EYS: variants seen among roughly 807,000 people sequenced by gnomAD.
The protein encoded by EYS is protein eyes shut homolog.
A neutral mutation model predicts 282.1 loss-of-function variants in EYS; 250 were observed. That is an observed-to-expected ratio of 0.89 (90% CI 0.80 to 0.98). The LOEUF (loss-of-function observed/expected upper bound fraction) is 0.98. Ranked by LOEUF, EYS falls within the 50% of genes least tolerant of loss-of-function variation. The pLI is 0.00. For missense variants in EYS, 4,016 were observed against 3,709.0 expected (o/e 1.08, Z -2.15); for synonymous variants, 1,355 against 1,282.9 (o/e 1.06, Z -1.20).
chr6:65,365,958 A>G (rs538964565), intron 8 of EYS, among the ~76,000 whole-genome samples: 2 of 151,826 alleles, frequency 1.3e-5, no homozygotes, highest in South Asian at 4.1e-4. Context: ...TGCAATTGTT[A>G]TAGATAACAT....
intron 26 of EYS, among the ~76,000 whole-genome samples, chr6:64,573,048 A>G (rs572721426): frequency 3.3e-4 from 50 of 152,278 alleles, no homozygotes; most frequent in Admixed American, 7.9e-4. Context: ...CATTACCAAA[A>G]CAGCATGGGA....
intron 31 of EYS, among the ~76,000 whole-genome samples, chr6:64,135,688 T>A (rs542776656): frequency 6.6e-6 from 1 of 152,244 alleles, no homozygotes; most frequent in Admixed American, 6.5e-5. Flanking sequence ...TTCCAGTGTA[T>A]ATAAAAGCTA....
intron 12 of EYS, among the ~76,000 whole-genome samples, chr6:65,269,243 G>A (rs1174578951): frequency 1.3e-5 from 2 of 152,064 alleles, no homozygotes; most frequent in African/African-American, 4.8e-5. Flanking sequence ...ACTTCCCAAA[G>A]CATAAGTTCA....
In EYS at chr6:64,081,942, T is replaced by C. The variant is rs1039415909; in HGVS notation, c.6485A>G (p.Lys2162Arg). ...GTTATGTTCCTTCTCCAGGACAAAC[T>C]TCAAAAAGGGCAGTTCTAAATAGGA... ...GNSYLELPFL[K>R]FVLEKEHNRT... The change falls in exon 32 of 43, where the codon AAG (lysine) becomes AGG (arginine). Residue 2162 changes from lysine to arginine, a missense_variant. Transcript: ENST00000503581. 1.3e-6 allele frequency: 2 copies of C among 1,545,908 alleles called. No individual in the cohort carries two copies. The highest frequency in any genetic ancestry group is 2.4e-5 in the South Asian group (2 of 83,790).
chr6:63,773,717 A>C (rs1207085414), intron 40 of EYS, among the ~76,000 whole-genome samples: 1 of 152,206 alleles, frequency 6.6e-6, no homozygotes, highest in African/African-American at 2.4e-5. Context: ...GAAAACAATT[A>C]CATGTCCAGA....
chr6:63,745,028 G>GA, intron 41 of EYS: 2 of 421,110 alleles, frequency 4.7e-6, no homozygotes, highest in South Asian at 1.7e-5. Context: ...GACCTGGCAA[G>GA]AAAAAAGAAT....
chr6:64,043,083 C>T (rs1476249433), intron 33 of EYS, among the ~76,000 whole-genome samples: 2 of 152,076 alleles, frequency 1.3e-5, no homozygotes, highest in East Asian at 3.9e-4. Context: ...AAATGTTAAT[C>T]ATCTTAAGAA....
intron 12 of EYS, among the ~76,000 whole-genome samples, chr6:65,101,949 A>AG (rs1276053604): frequency 6.6e-6 from 1 of 151,270 alleles, no homozygotes; most frequent in Non-Finnish European, 1.5e-5. Context: ...TGAAATTCTT[A>AG]TGAACTTGAA....
At chr6:64,246,291 G>A (rs902651783) in intron 30 of EYS, among the ~76,000 whole-genome samples, 1 of 150,618 alleles carries the variant, frequency 6.6e-6, no homozygotes, top group African/African-American at 2.5e-5. Flanking sequence ...CTCTTTGTTA[G>A]CATGAACGTT....
At chr6:63,976,103 C>T (rs1273381316) in intron 35 of EYS, among the ~76,000 whole-genome samples, 1 of 151,858 alleles carries the variant, frequency 6.6e-6, no homozygotes, top group African/African-American at 2.4e-5. Flanking sequence ...GTATAAAAGA[C>T]AAGAAAAATG....
intron 29 of EYS, among the ~76,000 whole-genome samples, chr6:64,317,972 G>C (rs748857902): frequency 3.9e-5 from 6 of 152,036 alleles, no homozygotes; most frequent in Non-Finnish European, 8.8e-5. Flanking sequence ...AGTGGGAGTT[G>C]AACAATGAGA....
Position 64,590,538 on chromosome 6 carries a change from A to G in EYS, c.5329T>C (p.Leu1777=), listed in dbSNP as rs1042931370. 18 of 1,551,264 alleles carry G rather than the reference A, an allele frequency of 1.2e-5. No individual in the cohort carries two copies. Among genetic ancestry groups the G allele is most frequent in the East Asian group, 2.4e-5 (1 of 40,916 alleles). Residue 1777 remains leucine, a synonymous_variant, in exon 26 of 43, where the codon TTG becomes CTG. Coordinates refer to ENST00000503581, the MANE Select transcript of EYS (RefSeq NM_001142800.2). The part of the protein sequence containing the change: ...ANDFKNNLPP[L]TGSVPDFSEV... ...GAAAAATCAGGCACTGAGCCTGTCA[A>G]TGGTGGCAGATTATTTTTGAAGTCA...
chr6:63,727,737 A>AAGATATATATATATATAT (rs1554164607), intron 41 of EYS, among the ~76,000 whole-genome samples: 1 of 36,738 alleles, frequency 2.7e-5, no homozygotes, highest in Non-Finnish European at 4.3e-5. Flanking sequence ...AAAAAAAAAA[A>AAGATATATATATATATAT]ATATATATAT....
chr6:64,927,038 G>T (rs1485724531), intron 15 of EYS, among the ~76,000 whole-genome samples: 1 of 152,112 alleles, frequency 6.6e-6, no homozygotes, highest in Non-Finnish European at 1.5e-5. Context: ...GAAACATGAT[G>T]GACCATGTCT....
intron 12 of EYS, among the ~76,000 whole-genome samples, chr6:65,261,668 G>T (rs1767623843): frequency 6.6e-6 from 1 of 152,026 alleles, no homozygotes; most frequent in Non-Finnish European, 1.5e-5. Context: ...TTAAGGTCAT[G>T]GCTTGAGCCT....
At chr6:65,453,847 A>G (rs1764502322) in intron 5 of EYS, among the ~76,000 whole-genome samples, 1 of 151,950 alleles carries the variant, frequency 6.6e-6, no homozygotes, top group Non-Finnish European at 1.5e-5. Flanking sequence ...TGTTACCACA[A>G]ACAACAGAAT....
intron 35 of EYS, among the ~76,000 whole-genome samples, chr6:63,968,006 T>C (rs1279279514): frequency 6.6e-6 from 1 of 152,212 alleles, no homozygotes; most frequent in Non-Finnish European, 1.5e-5. Flanking sequence ...TAAGGTTGGC[T>C]TTTGCAGCTT....
rs1768046845 is a variant in EYS, at chr6:64,638,688, T to G, written c.3444-12443A>C. 2.2e-5 allele frequency among the ~76,000 whole-genome samples: 2 copies of G among 89,692 alleles called. 1 individual carries two copies. Among genetic ancestry groups the G allele is most frequent in the African/African-American group, 8.6e-5 (2 of 23,256 alleles). 58.8% of individuals were successfully genotyped at this position (89,692 alleles called of 152,430 possible). A position where few individuals can be genotyped will look rare whatever the true frequency, so the allele number is the denominator to read the frequency against. On this transcript the variant is annotated intron_variant, in intron 22 of 42. Transcript: ENST00000503581. ...CTCATATATACTTTGTAGTGGGGGG[T>G]TTAAAGCCATGGCCTCAAAATATTC... is the stretch of plus-strand genomic sequence containing the variant.
chr6:64,342,494 A>G (rs994520705), intron 29 of EYS, among the ~76,000 whole-genome samples: 4 of 151,884 alleles, frequency 2.6e-5, no homozygotes, highest in Admixed American at 6.6e-5. Context: ...GAAATAAAAT[A>G]CTTTACAAAC....
Sources: gnomAD v4.1 joint callset for allele counts (sites outside exome capture counted in the v4.1 genomes callset) on GRCh38, gnomAD v4.1.1 for gene constraint, MANE v1.5 for transcripts, NCBI Gene and HGNC (gene_info 2026-07-23, HGNC 2026-07-21) for gene names.